Variants in AP1B1 observed in about 807,000 individuals in gnomAD.
AP1B1 encodes the protein AP-1 complex subunit beta-1.
Under a neutral mutation model 104.3 loss-of-function variants are expected in AP1B1, and 36 were observed. That is an observed-to-expected ratio of 0.35 (90% confidence interval 0.26 to 0.46). The LOEUF (loss-of-function observed/expected upper bound fraction) is 0.46. AP1B1 is among the 20% of genes least tolerant of loss of function. AP1B1 has a pLI of 1.00. For missense variants in AP1B1, 901 were observed against 1,247.9 expected, an observed-to-expected ratio of 0.72 and a Z score of 4.19; for synonymous variants, 504 against 517.5, an observed-to-expected ratio of 0.97 and a Z score of 0.35.
At chr22:29,364,801 C>A (rs1474791095) in intron 2 of AP1B1, among the ~76,000 whole-genome samples, 1 of 151,794 alleles carries the variant, frequency 6.6e-6, no homozygotes, top group African/African-American at 2.4e-5. Flanking sequence ...TTCCGCCTCC[C>A]GGGTTCAAGC....
At chr22:29,383,485 C>T (rs1403580995) in intron 1 of AP1B1, among the ~76,000 whole-genome samples, 2 of 151,848 alleles carry the variant, frequency 1.3e-5, no homozygotes, top group African/African-American at 2.4e-5. Flanking sequence ...CTGAGGTGGG[C>T]GGATCACAAG....
At chr22:29,384,054 G>A (rs988780653) in intron 1 of AP1B1, among the ~76,000 whole-genome samples, 1 of 152,200 alleles carries the variant, frequency 6.6e-6, no homozygotes, top group Non-Finnish European at 1.5e-5. Flanking sequence ...ATTGCAGGTA[G>A]GACAGGGGCT....
At chr22:29,363,604 C>T (rs924142132) in intron 2 of AP1B1, among the ~76,000 whole-genome samples, 7 of 151,304 alleles carry the variant, frequency 4.6e-5, no homozygotes, top group Non-Finnish European at 8.8e-5. Context: ...GGCAAGATGG[C>T]GCCACTGCAC....
chr22:29,341,864 G>A (rs2061720797), intron 12 of AP1B1, 104 bp from the exon 13 acceptor site: 5 of 1,341,642 alleles, frequency 3.7e-6, no homozygotes, highest in African/African-American at 1.5e-5. Flanking sequence ...GGTGGCCAAT[G>A]GGGACAGCAG....
intron 22 of AP1B1, 199 bp from the exon 23 acceptor site, chr22:29,329,094 C>T: frequency 1.3e-5 from 18 of 1,392,314 alleles, no homozygotes; most frequent in Non-Finnish European, 1.7e-5. Context: ...ACCAAATATA[C>T]TTGCAGCCCA....
At chr22:29,362,560 T>C (rs2062067253) in intron 3 of AP1B1, among the ~76,000 whole-genome samples, 1 of 152,124 alleles carries the variant, frequency 6.6e-6, no homozygotes. Context: ...TTGGCCAGGC[T>C]GGTGTCGAAC....
At position 29,340,842 on chromosome 22, in the gene AP1B1, C is replaced by G. The variant is rs1681995017; in HGVS notation, c.1812G>C (p.Glu604Asp). Residue 604 changes from glutamate (E) to aspartate (D), a missense_variant, in exon 14 of 23, where the codon GAG (glutamate) becomes GAC (aspartate). Physicochemically the swap from Glu to Asp is conservative, Grantham distance 45. This residue lies in a region of AP1B1 where 424 missense variants were observed against 494.0 expected (regional missense o/e 0.86). Coordinates refer to ENST00000357586, the MANE Select transcript of AP1B1 (RefSeq NM_001127.4). ...CTCCAGTAGGGGCTGTCTCAGGGCTCTCTGCGCTCTCACTCCTGCCGGGAC... is the reference window on the plus strand; with the variant it reads ...CTCCAGTAGGGGCTGTCTCAGGGCTGTCTGCGCTCTCACTCCTGCCGGGAC... ...PPRTASSESA[E>D]SPETAPTGAP... 6.3e-7 allele frequency: 1 copy of G among 1,594,970 alleles called. No individual in the cohort carries two copies. Among genetic ancestry groups the G allele is most frequent in the Non-Finnish European group, 8.5e-7 (1 of 1,172,738 alleles).
At position 29,342,394 on chromosome 22, in the gene AP1B1, C is replaced by G; in HGVS notation, c.1438-11G>C. 6.2e-7 allele frequency: 1 copy of G among 1,611,902 alleles called. No individual in the cohort carries two copies. The highest frequency in any genetic ancestry group is 8.5e-7 in the Non-Finnish European group (1 of 1,178,354). On this transcript the variant is annotated splice_polypyrimidine_tract_variant and intron_variant, in intron 11 of 22. Transcript: ENST00000357586. ...CAGCTGCAGCTGGACCTGCAGGGAA[C>G]AGCGGTGACGAGGAGGAAGTGTGGG...
chr22:29,384,724 C>G (rs973583667), intron 1 of AP1B1, among the ~76,000 whole-genome samples: 1 of 152,030 alleles, frequency 6.6e-6, no homozygotes, highest in African/African-American at 2.4e-5. Context: ...AAAAATTAGC[C>G]AAACATGGTG....
chr22:29,357,062 G>GT (rs59590928), intron 5 of AP1B1, among the ~76,000 whole-genome samples: 1 of 147,634 alleles, frequency 6.8e-6, no homozygotes. Context: ...GTTTTTTTTT[G>GT]TTTTTTGTTT....
intron 6 of AP1B1, 122 bp downstream of exon 6, chr22:29,356,304 G>A: frequency 1.9e-6 from 2 of 1,036,550 alleles, no homozygotes; most frequent in Non-Finnish European, 1.4e-6. Context: ...GTGTCTGAGG[G>A]TGGGTTATGG....
intron 12 of AP1B1, 139 bp downstream of exon 12, chr22:29,342,146 C>T (rs1401574383): frequency 4.3e-6 from 3 of 705,816 alleles, no homozygotes; most frequent in Non-Finnish European, 4.7e-6. Flanking sequence ...TTGGGTAACT[C>T]TGGGGCTGGA....
In AP1B1 at chr22:29,341,528, T is replaced by C; in HGVS notation, c.1769A>G (p.His590Arg). Residue 590 changes from histidine (H) to arginine (R), a missense_variant, in exon 13 of 23, where the codon CAC becomes CGC. His to Arg is a conservative substitution (Grantham distance 29). Coordinates refer to ENST00000357586, the MANE Select transcript of AP1B1 (RefSeq NM_001127.4). ...AFVEGGRGVV[H>R]KSLPPRTASS... is the part of the protein sequence containing the mutation. ...GGCCGTGCGAGGTGGCAGGCTCTTG[T>C]GCACGACGCCCCGGCCCCCCTCCAC... is the stretch of plus-strand genomic sequence containing the variant. 4 of 1,613,882 alleles carry C rather than the reference T, an allele frequency of 2.5e-6. No individual in the cohort carries two copies. The highest frequency in any genetic ancestry group is 3.4e-6 in the Non-Finnish European group (4 of 1,179,912).
rs147684584 is a variant in AP1B1 at position 29,328,857 on chromosome 22, G to A, written c.2814C>T (p.His938=). ...LKCRAPEVSQ[H]VYQAYETILK... Reference sequence around the variant, plus strand: ...GGATGGTCTCGTAGGCCTGGTACACGTGCTGGGACACCTCTGGTGCTCGAC... The same window carrying A: ...GGATGGTCTCGTAGGCCTGGTACACATGCTGGGACACCTCTGGTGCTCGAC... Residue 938 remains histidine (H), a synonymous_variant, in exon 23 of 23, where the codon CAC becomes CAT. Transcript: ENST00000357586. The surrounding 1 kb of genome is among the most constrained non-coding windows in gnomAD (Gnocchi z 4.1). 3.2e-5 allele frequency: 51 copies of A among 1,609,630 alleles called. No homozygotes were observed. The highest frequency in any genetic ancestry group is 8.9e-5 in the East Asian group (4 of 44,780).
At chr22:29,350,501 G>A (rs2061857662) in intron 9 of AP1B1, among the ~76,000 whole-genome samples, 1 of 152,168 alleles carries the variant, frequency 6.6e-6, no homozygotes, top group Non-Finnish European at 1.5e-5. Context: ...GGGCTCCTAT[G>A]TCCAAAAACA....
intron 2 of AP1B1, among the ~76,000 whole-genome samples, chr22:29,366,597 C>A (rs1453683117): frequency 6.6e-6 from 1 of 152,050 alleles, no homozygotes; most frequent in Non-Finnish European, 1.5e-5. Context: ...CCATTGCACT[C>A]CAGCCTGGGC....
At position 29,351,542 on chromosome 22, in the gene AP1B1, C is replaced by T. The variant is rs1002772360; in HGVS notation, c.1059+163G>A. 33 of 960,660 alleles carry T rather than the reference C, an allele frequency of 3.4e-5. No individual in the cohort carries two copies. The African/African-American group carries it at 5.1e-4, about 15-fold the overall frequency. 59.5% of individuals were successfully genotyped at this position (960,660 alleles called of 1,614,324 possible). ...AAACATTCTTTAGTAATAAAAACAT[C>T]AGTTCTTTTACTTGCTTACGAAGCC... is the stretch of plus-strand genomic sequence containing the variant. On this transcript the variant is annotated intron_variant, in intron 8 of 22. Coordinates refer to ENST00000357586, the MANE Select transcript of AP1B1 (RefSeq NM_001127.4).
chr22:29,372,692 GA>G (rs1019700007), intron 1 of AP1B1, among the ~76,000 whole-genome samples: 12 of 151,912 alleles, frequency 7.9e-5, no homozygotes, highest in African/African-American at 2.2e-4. Context: ...AGGCTTAAAG[GA>G]AAAAAAGTTC....
At position 29,351,248 on chromosome 22, in the gene AP1B1, C is replaced by G; in HGVS notation, c.1078G>C (p.Glu360Gln). 1 of 1,614,232 alleles carries G rather than the reference C, an allele frequency of 6.2e-7. No individual in the cohort carries two copies. The highest frequency in any genetic ancestry group is 8.5e-7 in the Non-Finnish European group (1 of 1,180,046). The change falls in exon 9 of 23, where the codon GAG becomes CAG. Residue 360 changes from glutamate (E) to glutamine (Q), a missense_variant. Physicochemically the swap from Glu to Gln is conservative, Grantham distance 29. Transcript: ENST00000357586. ...NIAQVLAELK[E>Q]YATEVDVDFV... The stretch of plus-strand genomic sequence containing the variant: ...TCCACATCCACTTCTGTTGCGTACT[C>G]TTTCAGCTCTGCCAACACCTGTGGC...
Sources: allele counts gnomAD v4.1 joint callset (sites outside exome capture counted in the v4.1 genomes callset), GRCh38; gene constraint gnomAD v4.1.1; regional missense constraint gnomAD v4.1.1; non-coding constraint Gnocchi (gnomAD v3.1); transcripts MANE v1.5; gene names NCBI Gene and HGNC (gene_info 2026-07-23, HGNC 2026-07-21).